MAPK10: variants seen among roughly 807,000 people sequenced by gnomAD.
MAPK10 encodes mitogen-activated protein kinase 10.
MAPK10 carries 25 observed loss-of-function variants against 59.3 expected under a neutral mutation model. The ratio of observed to expected loss-of-function variants is 0.42; its 90% confidence interval spans 0.31 to 0.59. The LOEUF (loss-of-function observed/expected upper bound fraction) is 0.59, where lower values mean the gene tolerates loss of function less well. Ranked by LOEUF, MAPK10 falls within the 20% of genes least tolerant of loss-of-function variation. The pLI is 0.15. For synonymous variants in MAPK10, 190 were observed against 200.5 expected (o/e 0.95, Z 0.44); for missense variants, 351 against 568.9 (o/e 0.62, Z 3.90).
chr4:86,304,658 C>T (rs1055134681), intron 2 of MAPK10, among the ~76,000 whole-genome samples: 4 of 152,064 alleles, frequency 2.6e-5, no homozygotes, highest in African/African-American at 4.8e-5. Context: ...TCCCAAAGTG[C>T]TGGGATTACA....
chr4:86,492,925 C>T (rs1341555206), intron 1 of MAPK10, among the ~76,000 whole-genome samples: 2 of 152,108 alleles, frequency 1.3e-5, no homozygotes, highest in Non-Finnish European at 2.9e-5. Flanking sequence ...AGAAGGACTC[C>T]GTAATTCTAT....
intron 9 of MAPK10, among the ~76,000 whole-genome samples, chr4:86,097,237 G>A (rs1222099802): frequency 6.6e-6 from 1 of 151,802 alleles, no homozygotes; most frequent in East Asian, 1.9e-4. Flanking sequence ...TGTGGCTAGT[G>A]GCTACCTACT....
Position 86,385,302 on chromosome 4 carries a change from G to T in MAPK10, c.-121-30658C>A, listed in dbSNP as rs1741316353. On this transcript the variant is annotated intron_variant, in intron 1 of 13. Coordinates refer to the MAPK10 transcript ENST00000361569. ...TTACCAACCATTGCTGGTTATTTTTGCCAGTTAGCAATTTAACAACCATTG... is the reference window on the plus strand; with the variant it reads ...TTACCAACCATTGCTGGTTATTTTTTCCAGTTAGCAATTTAACAACCATTG... 2.0e-5 allele frequency among the ~76,000 whole-genome samples: 3 copies of T among 152,014 alleles called. No homozygotes were observed. The South Asian group carries it at 6.3e-4, about 32-fold the overall frequency.
intron 1 of MAPK10, among the ~76,000 whole-genome samples, chr4:86,467,228 G>T (rs548284244): frequency 6.8e-4 from 103 of 152,310 alleles, no homozygotes; most frequent in Non-Finnish European, 1.1e-3. Flanking sequence ...AATCAGAATG[G>T]AGTCATTTGT....
chr4:86,078,604 T>C (rs6813767), intron 9 of MAPK10, among the ~76,000 whole-genome samples: 6,886 of 149,740 alleles, frequency 0.046, 217 homozygotes, highest in Non-Finnish European at 0.069. Context: ...TATATATATA[T>C]ACACACACAC....
chr4:86,465,548 A>G (rs1375389028), intron 1 of MAPK10, among the ~76,000 whole-genome samples: 1 of 152,268 alleles, frequency 6.6e-6, no homozygotes, highest in African/African-American at 2.4e-5. Flanking sequence ...AGATGCTATC[A>G]GAAGCTGAAC....
chr4:86,451,187 A>G (rs559054595), intron 1 of MAPK10, among the ~76,000 whole-genome samples: 67 of 152,300 alleles, frequency 4.4e-4, no homozygotes, highest in Non-Finnish European at 8.2e-4. Context: ...CTACAAATAA[A>G]TAGGGTTGTC....
intron 2 of MAPK10, chr4:86,352,269 A>T (rs1731949743): frequency 6.6e-6 from 1 of 152,154 alleles, no homozygotes. Context: ...TATTATATTT[A>T]TATTTATACT....
chr4:86,266,222 T>C (rs1233515492), intron 2 of MAPK10, among the ~76,000 whole-genome samples: 3 of 152,206 alleles, frequency 2.0e-5, no homozygotes, highest in Admixed American at 1.3e-4. Flanking sequence ...TAAACTCCTG[T>C]GAGCTCCCAA....
At chr4:86,319,956 C>A (rs1329584299) in intron 2 of MAPK10, among the ~76,000 whole-genome samples, 2 of 152,202 alleles carry the variant, frequency 1.3e-5, no homozygotes, top group Non-Finnish European at 2.9e-5. Flanking sequence ...CCAAAATATA[C>A]CACTTACACC....
At chr4:86,114,931 G>A (rs926255929) in intron 4 of MAPK10, among the ~76,000 whole-genome samples, 1 of 152,254 alleles carries the variant, frequency 6.6e-6, no homozygotes, top group South Asian at 2.1e-4. Flanking sequence ...TCCACCTAAA[G>A]AAGCAGTCTG....
intron 1 of MAPK10, among the ~76,000 whole-genome samples, chr4:86,384,911 C>T (rs1041274842): frequency 6.6e-6 from 1 of 152,054 alleles, no homozygotes; most frequent in African/African-American, 2.4e-5. Flanking sequence ...AGATATAGTA[C>T]ATCTAAACAG....
At chr4:86,560,175 A>C (rs1760566457) in intron 1 of MAPK10, among the ~76,000 whole-genome samples, 1 of 152,208 alleles carries the variant, frequency 6.6e-6, no homozygotes. Flanking sequence ...ACATTACTTT[A>C]TATGTAAACA....
At chr4:86,410,886 GTA>G (rs1267762924) in intron 1 of MAPK10, among the ~76,000 whole-genome samples, 2 of 151,894 alleles carry the variant, frequency 1.3e-5, no homozygotes, top group African/African-American at 2.4e-5. Context: ...GGGTTTTTTT[GTA>G]TCTCCATATC....
At chr4:86,140,709 T>G (rs1299714840) in intron 4 of MAPK10, among the ~76,000 whole-genome samples, 1 of 151,878 alleles carries the variant, frequency 6.6e-6, no homozygotes, top group African/African-American at 2.4e-5. Context: ...TAAAGGAAAT[T>G]TATGTATGCA....
intron 2 of MAPK10, among the ~76,000 whole-genome samples, chr4:86,346,789 G>A (rs1728508826): frequency 6.6e-6 from 1 of 150,470 alleles, no homozygotes; most frequent in South Asian, 2.1e-4. Context: ...AAACACAGCT[G>A]TATAGCTTAA....
At chr4:86,074,357 T>C (rs1448074201) in intron 9 of MAPK10, among the ~76,000 whole-genome samples, 1 of 150,510 alleles carries the variant, frequency 6.6e-6, no homozygotes, top group Non-Finnish European at 1.5e-5. Flanking sequence ...AATTTGCCAG[T>C]CTGTGTCTTT....
At chr4:86,489,201 C>A (rs1754267169) in intron 1 of MAPK10, among the ~76,000 whole-genome samples, 1 of 152,198 alleles carries the variant, frequency 6.6e-6, no homozygotes, top group Non-Finnish European at 1.5e-5. Context: ...GGACAACCAC[C>A]ACACTGATCC....
intron 2 of MAPK10, among the ~76,000 whole-genome samples, chr4:86,234,328 G>A (rs903270823): frequency 6.6e-6 from 1 of 151,922 alleles, no homozygotes; most frequent in African/African-American, 2.4e-5. Context: ...ATTATATTTT[G>A]TCTCATAAAA....
Sources: gnomAD v4.1 joint callset for allele counts (sites outside exome capture counted in the v4.1 genomes callset) on GRCh38, gnomAD v4.1.1 for gene constraint, MANE v1.5 for transcripts, NCBI Gene and HGNC (gene_info 2026-07-23, HGNC 2026-07-21) for gene names.